The following RYR2 variants were observed in gnomAD, a reference collection of about 807,000 sequenced individuals.
The protein encoded by RYR2 is cardiac muscle ryanodine receptor-calcium release channel.
A neutral mutation model predicts 601.1 loss-of-function variants in RYR2; 227 were observed. The ratio of observed to expected loss-of-function variants is 0.38; its 90% CI spans 0.34 to 0.42. RYR2 has a LOEUF of 0.42. RYR2 is among the 10% of genes least tolerant of loss of function. RYR2 has a pLI of 1.00. For missense variants in RYR2, 4,646 were observed against 6,156.5 expected (o/e 0.75, Z 8.21); for synonymous variants, 2,223 against 2,175.1 (o/e 1.02, Z -0.61).
intron 102 of RYR2, 93 bp downstream of exon 102, chr1:237,828,538 G>T: frequency 1.2e-6 from 1 of 827,642 alleles, no homozygotes; most frequent in South Asian, 1.9e-5. Context: ...ATGTGGGAAG[G>T]AGGAGGGGGA....
At chr1:237,047,426 C>G (rs574279113) in intron 1 of RYR2, among the ~76,000 whole-genome samples, 1 of 142,054 alleles carries the variant, frequency 7.0e-6, no homozygotes, top group Non-Finnish European at 1.5e-5. Context: ...TCCACTTACT[C>G]CTTCTGGTTT....
chr1:237,294,865 G>T (rs1419548747), intron 2 of RYR2, among the ~76,000 whole-genome samples: 2 of 152,050 alleles, frequency 1.3e-5, no homozygotes, highest in African/African-American at 2.4e-5. Context: ...AATGGGTACA[G>T]TTTTTTTAGG....
At chr1:237,069,117 T>C (rs1429287998) in intron 1 of RYR2, among the ~76,000 whole-genome samples, 1 of 152,160 alleles carries the variant, frequency 6.6e-6, no homozygotes, top group East Asian at 1.9e-4. Context: ...CTGCTCTTCA[T>C]TGGTTGTTCT....
chr1:237,044,891 T>C (rs1327266821), intron 1 of RYR2, among the ~76,000 whole-genome samples: 1 of 151,924 alleles, frequency 6.6e-6, no homozygotes, highest in Non-Finnish European at 1.5e-5. Context: ...TTCTTTTTTT[T>C]CTGAGGGCAT....
intron 25 of RYR2, among the ~76,000 whole-genome samples, chr1:237,542,857 A>G (rs1313724209): frequency 2.0e-5 from 3 of 152,162 alleles, no homozygotes; most frequent in Non-Finnish European, 4.4e-5. Flanking sequence ...GCTGAGTACA[A>G]TATAGGAAGC....
In RYR2 at chr1:237,359,686, C is replaced by T. The variant is rs574255116; in HGVS notation, c.294+3701C>T. ...TTTTCCCTAATTCCCTTCCTGCCTT[C>T]ATCTCCTTCCTTCTCTCCATCATCA... On this transcript the variant is annotated intron_variant, in intron 4 of 104. Transcript: ENST00000366574. Among the ~76,000 whole-genome samples, 11 of 152,260 alleles carry T rather than the reference C, an allele frequency of 7.2e-5. No homozygotes were observed. The South Asian group carries it at 2.1e-3, about 29-fold the overall frequency.
At chr1:237,824,271 A>G (rs1190753943) in intron 101 of RYR2, among the ~76,000 whole-genome samples, 1 of 152,212 alleles carries the variant, frequency 6.6e-6, no homozygotes, top group Non-Finnish European at 1.5e-5. Context: ...CGATGCGAAA[A>G]TCCTCAATAA....
chr1:237,580,714 C>G (rs1673817914), intron 29 of RYR2, among the ~76,000 whole-genome samples: 1 of 151,988 alleles, frequency 6.6e-6, no homozygotes, highest in Non-Finnish European at 1.5e-5. Flanking sequence ...AGAGATGGGG[C>G]CTTTAAAGGG....
At chr1:237,407,982 T>C (rs968932619) in intron 10 of RYR2, among the ~76,000 whole-genome samples, 1 of 152,128 alleles carries the variant, frequency 6.6e-6, no homozygotes, top group Non-Finnish European at 1.5e-5. Context: ...AGATATGCGA[T>C]TGCAAATATT....
chr1:237,757,823 A>T lies in RYR2; in HGVS notation c.11325+47A>T, dbSNP rs1434345853. 3 of 1,135,160 alleles carry T rather than the reference A, an allele frequency of 2.6e-6. No individual in the cohort carries two copies. The Admixed American group carries it at 5.2e-5, about 20-fold the overall frequency. 70.3% of individuals were successfully genotyped at this position (1,135,160 alleles called of 1,614,324 possible). On this transcript the variant is annotated intron_variant, in intron 82 of 104. Coordinates refer to ENST00000366574, the MANE Select transcript of RYR2 (RefSeq NM_001035.3). Reference sequence around the variant, plus strand: ...TATAATGTACTTTTCAGACAAATGGACCATATAGTAAAGAACTATTTGTTG... The same window carrying T: ...TATAATGTACTTTTCAGACAAATGGTCCATATAGTAAAGAACTATTTGTTG...
chr1:237,111,007 C>G (rs1332418943), intron 1 of RYR2, among the ~76,000 whole-genome samples: 1 of 152,182 alleles, frequency 6.6e-6, no homozygotes, highest in African/African-American at 2.4e-5. Flanking sequence ...CTTGGAGCCT[C>G]TGGTACTGGG....
chr1:237,302,049 T>G (rs1359795362), intron 2 of RYR2, among the ~76,000 whole-genome samples: 3 of 152,172 alleles, frequency 2.0e-5, no homozygotes, highest in Non-Finnish European at 4.4e-5. Flanking sequence ...CCCATACTAC[T>G]TGAATTCAGA....
At chr1:237,265,563 C>G (rs939196472) in intron 1 of RYR2, among the ~76,000 whole-genome samples, 1 of 152,156 alleles carries the variant, frequency 6.6e-6, no homozygotes, top group African/African-American at 2.4e-5. Flanking sequence ...CTCAAGTGAT[C>G]CACCCGCCTG....
intron 1 of RYR2, among the ~76,000 whole-genome samples, chr1:237,264,869 T>C (rs886493598): frequency 6.6e-6 from 1 of 151,540 alleles, no homozygotes; most frequent in African/African-American, 2.4e-5. Context: ...TTAATTTTTG[T>C]ATTTTTTTTT....
intron 80 of RYR2, among the ~76,000 whole-genome samples, chr1:237,746,473 G>C (rs1692086560): frequency 6.6e-6 from 1 of 151,998 alleles, no homozygotes; most frequent in Admixed American, 6.5e-5. Flanking sequence ...ATGCAGTAAA[G>C]CTCAAAAAAC....
chr1:237,066,491 C>A (rs1395630122), intron 1 of RYR2, among the ~76,000 whole-genome samples: 2 of 152,136 alleles, frequency 1.3e-5, no homozygotes, highest in African/African-American at 4.8e-5. Context: ...TTCTCCACAC[C>A]CTCGTCAGCA....
chr1:237,266,546 T>A (rs1040484180), intron 1 of RYR2, among the ~76,000 whole-genome samples: 2 of 152,216 alleles, frequency 1.3e-5, no homozygotes, highest in Non-Finnish European at 2.9e-5. Flanking sequence ...TGCTCTGAGA[T>A]GAATGATGGG....
intron 1 of RYR2, among the ~76,000 whole-genome samples, chr1:237,263,619 A>G (rs935740684): frequency 6.6e-5 from 10 of 152,192 alleles, no homozygotes; most frequent in Non-Finnish European, 1.5e-4. Context: ...GTGCTTCAAG[A>G]TGTTTGTATG....
In RYR2 at chr1:237,643,464, T is replaced by C. The variant is rs1214687411; in HGVS notation, c.7342+17T>C. The C allele has an allele frequency of 6.2e-7, 1 of 1,613,768 alleles. No homozygotes were observed. Among genetic ancestry groups the C allele is most frequent in the Non-Finnish European group, 8.5e-7 (1 of 1,179,748 alleles). On this transcript the variant is annotated intron_variant, in intron 48 of 104. Transcript: ENST00000366574. ...TAGCCAAAGGTAAGGCCAACTTCAA[T>C]TTGTCCTAATTCAGTAGGATGTTGG...
Sources: allele counts gnomAD v4.1 joint callset (sites outside exome capture counted in the v4.1 genomes callset), GRCh38; gene constraint gnomAD v4.1.1; transcripts MANE v1.5; gene names NCBI Gene and HGNC (gene_info 2026-07-23, HGNC 2026-07-21).